The following RASAL2 variants were observed in gnomAD, a reference collection of about 807,000 sequenced individuals.
RASAL2 encodes ras GTPase-activating protein nGAP.
A neutral mutation model predicts 128.9 loss-of-function variants in RASAL2; 58 were observed. The ratio of observed to expected loss-of-function variants is 0.45; its 90% CI spans 0.36 to 0.56. The LOEUF (loss-of-function observed/expected upper bound fraction) is 0.56, where lower values mean the gene tolerates loss of function less well. Among genes scored for constraint, RASAL2 ranks in the 20% least tolerant of loss-of-function variants. The pLI, the probability that RASAL2 is intolerant of heterozygous loss-of-function variation, is 0.00. For missense variants in RASAL2, 1,360 were observed against 1,601.6 expected, an observed-to-expected ratio of 0.85 and a Z score of 2.57; for synonymous variants, 561 against 580.8, an observed-to-expected ratio of 0.97 and a Z score of 0.49.
intron 1 of RASAL2, among the ~76,000 whole-genome samples, chr1:178,159,344 T>C (rs1268798931): frequency 6.6e-6 from 1 of 152,200 alleles, no homozygotes; most frequent in Non-Finnish European, 1.5e-5. Flanking sequence ...TTTACTGTCA[T>C]GTATATATTT....
intron 1 of RASAL2, among the ~76,000 whole-genome samples, chr1:178,241,035 T>G (rs1664474724): frequency 6.6e-6 from 1 of 151,920 alleles, no homozygotes; most frequent in African/African-American, 2.4e-5. Context: ...TAAATAAGAG[T>G]GCAGAATATA....
chr1:178,200,298 A>T (rs1340322041), intron 1 of RASAL2, among the ~76,000 whole-genome samples: 5 of 152,190 alleles, frequency 3.3e-5, no homozygotes, highest in African/African-American at 1.2e-4. Context: ...TACTTCTAAT[A>T]ATGTGGAGAA....
intron 1 of RASAL2, among the ~76,000 whole-genome samples, chr1:178,237,694 A>G (rs565711824): frequency 1.7e-4 from 26 of 152,298 alleles, no homozygotes; most frequent in African/African-American, 5.8e-4. Context: ...AATACACACA[A>G]TTCAATTACT....
intron 3 of RASAL2, among the ~76,000 whole-genome samples, chr1:178,384,238 A>G (rs1473459871): frequency 1.3e-5 from 2 of 152,204 alleles, no homozygotes; most frequent in African/African-American, 4.8e-5. Flanking sequence ...CATCTGTGAC[A>G]TGTAATATTT....
chr1:178,110,632 GTATACATATATATATATA>G (rs1659276401), intron 1 of RASAL2, among the ~76,000 whole-genome samples: 1 of 23,932 alleles, frequency 4.2e-5, no homozygotes, highest in South Asian at 3.6e-3. Flanking sequence ...TATATATAGT[GTATACATATATATATATA>G]TATGTATGTA....
Position 178,094,197 on chromosome 1 carries a change from C to T in RASAL2, c.-296C>T, listed in dbSNP as rs1433183211. 3 of 422,060 alleles carry T rather than the reference C, an allele frequency of 7.1e-6. No individual in the cohort carries two copies. Among genetic ancestry groups the T allele is most frequent in the Non-Finnish European group, 1.3e-5 (3 of 238,728 alleles). The allele number at this position is 422,060 out of a possible 1,614,324, so 26.1% of individuals were successfully genotyped here. A position where few individuals can be genotyped will look rare whatever the true frequency, so the allele number is the denominator to read the frequency against. On this transcript the variant is annotated 5_prime_UTR_variant, in exon 1 of 18. Transcript: ENST00000367649. ...GAGCCTCCCCTCCCGGGTTCTTCTGCGTCCTCTCCCGGGAGGGACCCACAC... is the reference window on the plus strand; with the variant it reads ...GAGCCTCCCCTCCCGGGTTCTTCTGTGTCCTCTCCCGGGAGGGACCCACAC...
At chr1:178,096,703 T>C (rs1390644629) in intron 1 of RASAL2, among the ~76,000 whole-genome samples, 1 of 152,050 alleles carries the variant, frequency 6.6e-6, no homozygotes, top group Non-Finnish European at 1.5e-5. Flanking sequence ...CTTGCATTTT[T>C]GTGACCAATT....
chr1:178,256,220 G>A (rs1035904580), intron 1 of RASAL2, among the ~76,000 whole-genome samples: 6 of 151,914 alleles, frequency 3.9e-5, no homozygotes, highest in African/African-American at 1.2e-4. Flanking sequence ...AATCAATGAC[G>A]GTAATATATC....
chr1:178,449,204 G>GC (rs1465302105), intron 9 of RASAL2, among the ~76,000 whole-genome samples: 4 of 152,098 alleles, frequency 2.6e-5, no homozygotes, highest in Non-Finnish European at 4.4e-5. Context: ...CTTAATTAAA[G>GC]CGTCACTCTT....
rs1353098587 is a variant in RASAL2 at position 178,451,599 on chromosome 1, C to T, written c.1656C>T (p.Ser552=). ...LGEFIKALYE[S]DENCEVDPSK... is the part of the protein sequence containing the mutation. ...AGTTTATCAAAGCTTTGTATGAGTCCGATGAGAACTGTGAAGTGGATCCCA... is the reference window on the plus strand; with the variant it reads ...AGTTTATCAAAGCTTTGTATGAGTCTGATGAGAACTGTGAAGTGGATCCCA... Residue 552 remains serine, a synonymous_variant, in exon 10 of 18, where the codon TCC becomes TCT. Transcript: ENST00000367649. 5 of 1,613,480 alleles carry T rather than the reference C, an allele frequency of 3.1e-6. No individual in the cohort carries two copies. The highest frequency in any genetic ancestry group is 2.2e-5 in the South Asian group (2 of 91,048).
chr1:178,369,509 C>T (rs1671587906), intron 3 of RASAL2, among the ~76,000 whole-genome samples: 1 of 152,142 alleles, frequency 6.6e-6, no homozygotes, highest in African/African-American at 2.4e-5. Context: ...AGGCATGAGC[C>T]ACAGCACCTG....
chr1:178,166,668 A>G (rs900706992), intron 1 of RASAL2, among the ~76,000 whole-genome samples: 4 of 152,142 alleles, frequency 2.6e-5, no homozygotes, highest in African/African-American at 9.7e-5. Context: ...CTTGTCAATC[A>G]TAGAGGGGAG....
At chr1:178,395,752 A>G (rs1447509680) in intron 4 of RASAL2, among the ~76,000 whole-genome samples, 1 of 138,768 alleles carries the variant, frequency 7.2e-6, no homozygotes, top group Non-Finnish European at 1.5e-5. Context: ...CCCTCCAGTG[A>G]GACCTCTTTT....
chr1:178,220,522 CAG>C (rs1264076041), intron 1 of RASAL2, among the ~76,000 whole-genome samples: 1 of 152,132 alleles, frequency 6.6e-6, no homozygotes, highest in Non-Finnish European at 1.5e-5. Context: ...ACGGGTGATA[CAG>C]AGATACAAAG....
chr1:178,467,703 G>A lies in RASAL2; in HGVS notation c.3678+282G>A, dbSNP rs1209709621. 2.0e-5 allele frequency among the ~76,000 whole-genome samples: 3 copies of A among 152,334 alleles called. No individual in the cohort carries two copies. The East Asian group carries it at 5.8e-4, about 29-fold the overall frequency. On this transcript the variant is annotated intron_variant, in intron 17 of 17. Transcript: ENST00000367649. ...GATGGGGTTTGCTTCTTTCCCTATG[G>A]AAAGGAGGGCATTTTCTAAGGGCGT...
chr1:178,396,883 T>C (rs75415843), intron 4 of RASAL2, among the ~76,000 whole-genome samples: 3,458 of 146,004 alleles, frequency 0.024, 61 homozygotes, highest in Middle Eastern at 0.062. Context: ...AAAGAAAATA[T>C]ACAAATGGCC....
intron 3 of RASAL2, chr1:178,389,234 C>G (rs1672755916): frequency 1.0e-6 from 1 of 978,732 alleles, no homozygotes; most frequent in East Asian, 1.1e-4. Flanking sequence ...TTGAGATTAT[C>G]TAATGTTATC....
chr1:178,406,641 A>G (rs1468106217), intron 4 of RASAL2, among the ~76,000 whole-genome samples: 1 of 152,184 alleles, frequency 6.6e-6, no homozygotes, highest in Non-Finnish European at 1.5e-5. Flanking sequence ...AAGGTTTGAA[A>G]TAATATAACA....
At chr1:178,218,257 G>C (rs1285488045) in intron 1 of RASAL2, among the ~76,000 whole-genome samples, 1 of 152,152 alleles carries the variant, frequency 6.6e-6, no homozygotes, top group Non-Finnish European at 1.5e-5. Flanking sequence ...ATGTTAGGAG[G>C]GATGAAAACA....
Sources: gnomAD v4.1 joint callset for allele counts (sites outside exome capture counted in the v4.1 genomes callset) on GRCh38, gnomAD v4.1.1 for gene constraint, MANE v1.5 for transcripts, NCBI Gene and HGNC (gene_info 2026-07-23, HGNC 2026-07-21) for gene names.